The following PTPRZ1 variants were observed in gnomAD, a reference collection of about 807,000 sequenced individuals.
PTPRZ1 encodes the protein protein tyrosine phosphatase receptor type Z1, also known as receptor-type tyrosine-protein phosphatase zeta.
In PTPRZ1, 82 loss-of-function variants were observed where a neutral mutation model predicts 214.1. The ratio of observed to expected loss-of-function variants is 0.38; its 90% CI spans 0.32 to 0.46. PTPRZ1 has a LOEUF of 0.46. Among genes scored for constraint, PTPRZ1 ranks in the 20% least tolerant of loss-of-function variants. The pLI is 1.00. For synonymous variants in PTPRZ1, 945 were observed against 987.9 expected, an observed-to-expected ratio of 0.96 and a Z score of 0.81; for missense variants, 2,603 against 2,748.7, an observed-to-expected ratio of 0.95 and a Z score of 1.19.
At chr7:121,977,340 A>G (rs1797471847) in intron 6 of PTPRZ1, among the ~76,000 whole-genome samples, 1 of 152,226 alleles carries the variant, frequency 6.6e-6, no homozygotes, top group Non-Finnish European at 1.5e-5. Context: ...GTCAACACTT[A>G]CATAGAAGAA....
At chr7:121,905,650 T>TACACACACACACAC (rs10528167) in intron 1 of PTPRZ1, among the ~76,000 whole-genome samples, 1,733 of 145,338 alleles carry the variant, frequency 0.012, 24 homozygotes, top group African/African-American at 0.033. Flanking sequence ...TTCTATTCTT[T>TACACACACACACAC]ACACACACAC....
intron 23 of PTPRZ1, among the ~76,000 whole-genome samples, chr7:122,045,594 G>C (rs1016196548): frequency 1.3e-5 from 2 of 151,674 alleles, no homozygotes; most frequent in African/African-American, 2.4e-5. Flanking sequence ...AATGCCTTAG[G>C]GGGGAAAAGA....
intron 1 of PTPRZ1, among the ~76,000 whole-genome samples, chr7:121,926,073 G>A (rs1364239079): frequency 2.6e-5 from 4 of 152,168 alleles, no homozygotes; most frequent in African/African-American, 9.7e-5. Context: ...GGGAGGCCAA[G>A]GCGGGCGGAT....
intron 14 of PTPRZ1, among the ~76,000 whole-genome samples, chr7:122,030,441 T>C (rs1799337622): frequency 6.6e-6 from 1 of 152,038 alleles, no homozygotes; most frequent in Admixed American, 6.6e-5. Flanking sequence ...TCATTTCTGT[T>C]TTCTTATCTA....
chr7:122,010,067 A>G (rs774355774), intron 11 of PTPRZ1, among the ~76,000 whole-genome samples: 3 of 152,180 alleles, frequency 2.0e-5, no homozygotes, highest in Non-Finnish European at 4.4e-5. Flanking sequence ...CCTTTTAAAT[A>G]TGTGGTATCT....
intron 8 of PTPRZ1, among the ~76,000 whole-genome samples, chr7:121,985,744 GAGAC>G (rs1797747695): frequency 6.6e-6 from 1 of 152,186 alleles, no homozygotes; most frequent in African/African-American, 2.4e-5. Context: ...CACACTCAAG[GAGAC>G]ACCATACCCA....
At chr7:121,881,822 G>A (rs528865245) in intron 1 of PTPRZ1, among the ~76,000 whole-genome samples, 15 of 152,214 alleles carry the variant, frequency 9.9e-5, no homozygotes, top group Non-Finnish European at 1.9e-4. Flanking sequence ...TTCCGAGATG[G>A]GGACTCCAAG....
intron 13 of PTPRZ1, among the ~76,000 whole-genome samples, chr7:122,023,166 G>A (rs898729192): frequency 1.3e-5 from 2 of 151,916 alleles, no homozygotes; most frequent in East Asian, 1.9e-4. Context: ...TAATCTCAAA[G>A]TTTTATAATA....
chr7:121,959,327 G>C (rs1049113036), intron 2 of PTPRZ1, among the ~76,000 whole-genome samples: 3 of 152,124 alleles, frequency 2.0e-5, no homozygotes, highest in Non-Finnish European at 4.4e-5. Flanking sequence ...GACGAAACAG[G>C]TTCTCATTCT....
chr7:122,018,402 C>T (rs1798910445), intron 12 of PTPRZ1, among the ~76,000 whole-genome samples: 1 of 152,128 alleles, frequency 6.6e-6, no homozygotes, highest in African/African-American at 2.4e-5. Context: ...AATCATGTGT[C>T]ATCTTTTAAA....
chr7:122,053,106 A>T (rs931505750), intron 25 of PTPRZ1, among the ~76,000 whole-genome samples: 100 of 152,156 alleles, frequency 6.6e-4, no homozygotes, highest in African/African-American at 2.4e-3. Flanking sequence ...TGAAGGGTTC[A>T]TGGCACTGGA....
At position 122,051,506 on chromosome 7, in the gene PTPRZ1, T is replaced by A. The variant is rs1792183786; in HGVS notation, c.6163T>A (p.Ser2055Thr). The change falls in exon 24 of 30, where the codon TCT becomes ACT. Residue 2055 changes from serine to threonine, a missense_variant. Physicochemically the swap from Ser to Thr is moderately conservative, Grantham distance 58. This residue lies in a region of PTPRZ1 where 134 missense variants were observed against 183.3 expected (regional missense o/e 0.73). Coordinates refer to ENST00000393386, the MANE Select transcript of PTPRZ1 (RefSeq NM_002851.3). The stretch of plus-strand genomic sequence containing the variant: ...ATGCAACAGGGAAAAGAATCGAACT[T>A]CTTCTATCATCCCTGGTAAGTTGTG... ...KQCNREKNRT[S>T]SIIPVERSRV... The A allele has an allele frequency of 1.9e-6, 3 of 1,613,292 alleles. No individual in the cohort carries two copies. Among genetic ancestry groups the A allele is most frequent in the Non-Finnish European group, 2.5e-6 (3 of 1,179,400 alleles).
At chr7:121,960,347 A>T (rs751704752) in intron 2 of PTPRZ1, among the ~76,000 whole-genome samples, 1 of 151,862 alleles carries the variant, frequency 6.6e-6, no homozygotes, top group Non-Finnish European at 1.5e-5. Context: ...TAGCTGAGAC[A>T]CAAACATTTT....
intron 17 of PTPRZ1, among the ~76,000 whole-genome samples, chr7:122,035,431 A>C (rs555115190): frequency 6.6e-6 from 1 of 152,334 alleles, no homozygotes; most frequent in African/African-American, 2.4e-5. Context: ...GCTAAATAGA[A>C]CATACGCATC....
intron 26 of PTPRZ1, 133 bp downstream of exon 26, chr7:122,054,171 C>T: frequency 1.0e-6 from 1 of 964,350 alleles, no homozygotes; most frequent in Non-Finnish European, 1.5e-6. Context: ...TGAAGGCATA[C>T]TCTTCTGCTG....
In PTPRZ1 at chr7:122,011,996, C is replaced by T. The variant is rs1798682061; in HGVS notation, c.2950C>T (p.Leu984=). ...SSLITPTASL[L]QPTHALSGDG... ...GTTAATAACCCCAACTGCATCATTACTGCAGCCTACTCATGCCCTCTCTGG... is the reference window on the plus strand; with the variant it reads ...GTTAATAACCCCAACTGCATCATTATTGCAGCCTACTCATGCCCTCTCTGG... The change falls in exon 12 of 30, where the codon CTG becomes TTG. Residue 984 remains leucine (L), a synonymous_variant. Transcript: ENST00000393386. The T allele has an allele frequency of 6.2e-7, 1 of 1,614,178 alleles. No homozygotes were observed. The highest frequency in any genetic ancestry group is 1.1e-5 in the South Asian group (1 of 91,088).
At chr7:121,891,009 C>T (rs1794583892) in intron 1 of PTPRZ1, among the ~76,000 whole-genome samples, 2 of 151,922 alleles carry the variant, frequency 1.3e-5, no homozygotes, top group Non-Finnish European at 2.9e-5. Context: ...CCTCCCACTC[C>T]ACTCTCCCCT....
chr7:122,028,988 A>G (rs192267588), intron 14 of PTPRZ1, among the ~76,000 whole-genome samples: 1 of 152,140 alleles, frequency 6.6e-6, no homozygotes, highest in East Asian at 1.9e-4. Context: ...AACCCAAGCA[A>G]CAAAAGTCAG....
At chr7:121,976,399 CA>C (rs1563046524) in intron 5 of PTPRZ1, 131 bp downstream of exon 5, 1 of 575,780 alleles carries the variant, frequency 1.7e-6, no homozygotes. Flanking sequence ...TGGTCATTTT[CA>C]AAAAAAGATG....
Sources: gnomAD v4.1 joint callset for allele counts (sites outside exome capture counted in the v4.1 genomes callset) on GRCh38, gnomAD v4.1.1 for gene constraint, gnomAD v4.1.1 regional missense constraint, MANE v1.5 for transcripts, NCBI Gene and HGNC (gene_info 2026-07-23, HGNC 2026-07-21) for gene names.